The following RPGRIP1L variants were observed in gnomAD, a reference collection of about 807,000 sequenced individuals.
The protein encoded by RPGRIP1L is RPGRIP1 like.
Under a neutral mutation model 160.4 loss-of-function variants are expected in RPGRIP1L, and 131 were observed. The observed-to-expected ratio is 0.82, with a 90% CI of 0.71 to 0.94. RPGRIP1L has a LOEUF of 0.94. Ranked by LOEUF, RPGRIP1L falls within the 40% of genes least tolerant of loss-of-function variation. The probability of loss-of-function intolerance (pLI) is 0.00; values close to 1 mark genes in which losing one functional copy is unlikely to be tolerated. For missense variants in RPGRIP1L, 1,522 were observed against 1,535.8 expected, an observed-to-expected ratio of 0.99 and a Z score of 0.15; for synonymous variants, 510 against 515.8, an observed-to-expected ratio of 0.99 and a Z score of 0.15.
chr16:53,700,529 A>T lies in RPGRIP1L; in HGVS notation c.85+110T>A. ...ATCTTTTTGTTTAGTCCAATCAAGG[A>T]CTATATAGTTACTTAAATGGTTTGG... On this transcript the variant is annotated intron_variant, in intron 2 of 26. Coordinates refer to ENST00000647211, the MANE Select transcript of RPGRIP1L (RefSeq NM_015272.5). 4.8e-6 allele frequency: 4 copies of T among 833,752 alleles called. No individual in the cohort carries two copies. In the South Asian group the frequency reaches 5.7e-5, roughly 12 times the overall value. The allele number at this position is 833,752 out of a possible 1,614,324, so 51.6% of individuals were successfully genotyped here. A position where few individuals can be genotyped will look rare whatever the true frequency, so the allele number is the denominator to read the frequency against.
At chr16:53,637,888 A>G in intron 20 of RPGRIP1L, 34 bp from the exon 21 acceptor site, 1 of 1,595,828 alleles carries the variant, frequency 6.3e-7, no homozygotes, top group South Asian at 1.1e-5. Context: ...TATATTTATA[A>G]TTGCTTAGAT....
chr16:53,646,283 T>A (rs16952410), intron 16 of RPGRIP1L, among the ~76,000 whole-genome samples: 2 of 152,126 alleles, frequency 1.3e-5, no homozygotes, highest in African/African-American at 4.8e-5. Flanking sequence ...GTTAATCTGA[T>A]GTTCTTCAAT....
intron 24 of RPGRIP1L, among the ~76,000 whole-genome samples, chr16:53,614,337 G>T (rs182825108): frequency 1.3e-5 from 2 of 152,258 alleles, no homozygotes; most frequent in Admixed American, 6.5e-5. Flanking sequence ...AGTCTTTATT[G>T]TGTATCACAA....
rs189530809 is a variant in RPGRIP1L at position 53,642,909 on chromosome 16, C to T, written c.2684-1434G>A. Among the ~76,000 whole-genome samples, 9 of 152,314 alleles carry T rather than the reference C, an allele frequency of 5.9e-5. No homozygotes were observed. In the East Asian group the frequency reaches 7.7e-4, roughly 13 times the overall value. ...AAACAATCAGAGAAGGTCAACATCACAGACAGCCTGAGGTCTCAATACTGG... is the reference window on the plus strand; with the variant it reads ...AAACAATCAGAGAAGGTCAACATCATAGACAGCCTGAGGTCTCAATACTGG... On this transcript the variant is annotated intron_variant, in intron 17 of 26. Transcript: ENST00000647211.
At position 53,652,620 on chromosome 16, in the gene RPGRIP1L, T is replaced by C. The variant is rs890062959; in HGVS notation, c.2067A>G (p.Glu689=). The change falls in exon 15 of 27, where the codon GAA becomes GAG. Residue 689 remains glutamate, a synonymous_variant. Transcript: ENST00000647211. Reference sequence around the variant, plus strand: ...ATTGACATGCTGCAATTGTTTCATATTCTGTGCTATAAGCCTGGTGGACCT... The same window carrying C: ...ATTGACATGCTGCAATTGTTTCATACTCTGTGCTATAAGCCTGGTGGACCT... The part of the protein sequence containing the change: ...TLEVHQAYST[E]YETIAACQLK... 1 of 1,614,146 alleles carries C rather than the reference T, an allele frequency of 6.2e-7. No homozygotes were observed. Among genetic ancestry groups the C allele is most frequent in the Admixed American group, 1.7e-5 (1 of 60,014 alleles).
chr16:53,602,017 T>C lies in RPGRIP1L; in HGVS notation c.*59A>G. ...CCAGAGTAATTACAAAAATCTCATG[T>C]AGGAACTTTCATGTGAGCATTTACT... On this transcript the variant is annotated 3_prime_UTR_variant, in exon 27 of 27. Transcript: ENST00000647211. The C allele has an allele frequency of 1.0e-6, 1 of 981,280 alleles. No individual in the cohort carries two copies. The allele number at this position is 981,280 out of a possible 1,614,324, so 60.8% of individuals were successfully genotyped here.
rs1482265266 is a variant in RPGRIP1L, at chr16:53,619,061, T to C, written c.3580A>G (p.Lys1194Glu). 2.5e-6 allele frequency: 4 copies of C among 1,613,902 alleles called. No individual in the cohort carries two copies. Among genetic ancestry groups the C allele is most frequent in the Non-Finnish European group, 3.4e-6 (4 of 1,179,946 alleles). The change falls in exon 24 of 27, where the codon AAG becomes GAG. Residue 1194 changes from lysine to glutamate, a missense_variant. Physicochemically the swap from Lys to Glu is moderately conservative, Grantham distance 56. Transcript: ENST00000647211. ...TTATAGTAGACCCACTGCCCACTCT[T>C]GGGTTTTGGAAGTGACACGGGTGTC... ...EETPVSLPKP[K>E]SGQWVYYNYS... is the part of the protein sequence containing the mutation.
At chr16:53,678,155 ACCATGATTTT>A (rs1969328722) in intron 6 of RPGRIP1L, among the ~76,000 whole-genome samples, 1 of 126,902 alleles carries the variant, frequency 7.9e-6, no homozygotes, top group African/African-American at 3.7e-5. Context: ...TTTTAAAAAA[ACCATGATTTT>A]AAATTATGAT....
At chr16:53,630,242 G>T (rs916663796) in intron 22 of RPGRIP1L, among the ~76,000 whole-genome samples, 1 of 152,040 alleles carries the variant, frequency 6.6e-6, no homozygotes. Flanking sequence ...AGAGATGGGG[G>T]TCTTGTTACA....
chr16:53,608,598 G>A (rs982285937), intron 25 of RPGRIP1L, among the ~76,000 whole-genome samples: 2 of 152,094 alleles, frequency 1.3e-5, no homozygotes, highest in Non-Finnish European at 2.9e-5. Flanking sequence ...GGCATGCAAA[G>A]GTACTATATA....
At position 53,686,433 on chromosome 16, in the gene RPGRIP1L, C is replaced by T. The variant is rs1446473521; in HGVS notation, c.776G>A (p.Arg259Lys). The T allele has an allele frequency of 1.9e-6, 3 of 1,612,506 alleles. No homozygotes were observed. Among genetic ancestry groups the T allele is most frequent in the African/African-American group, 2.7e-5 (2 of 74,818 alleles). The change falls in exon 6 of 27, where the codon AGG (arginine) becomes AAG (lysine). Residue 259 changes from arginine to lysine, a missense_variant and splice_region_variant. By Grantham distance (26) the Arg-to-Lys change is conservative. Coordinates refer to ENST00000647211, the MANE Select transcript of RPGRIP1L (RefSeq NM_015272.5). ...AAGTGATATTTCTGTTTTAACATAC[C>T]TTTGATCTGTAGCTTGCTGTTCTCG... The part of the protein sequence containing the change: ...QLREQQATDQ[R>K]SNIRDNVEMI...
chr16:53,601,683 CAT>C lies in RPGRIP1L; in HGVS notation c.*391_*392del, dbSNP rs377503190. ...CATTTAGTGGGACGATTAGGGATAA[CAT>C]AAAAGTATTTCTTTTTCATAGGTTT... On this transcript the variant is annotated 3_prime_UTR_variant, in exon 27 of 27. Coordinates refer to ENST00000647211, the MANE Select transcript of RPGRIP1L (RefSeq NM_015272.5). The C allele has an allele frequency of 7.4e-4, 160 of 216,444 alleles. No individual in the cohort carries two copies. Among genetic ancestry groups the C allele is most frequent in the Middle Eastern group, 6.1e-3 (3 of 492 alleles). 13.4% of individuals were successfully genotyped at this position (216,444 alleles called of 1,614,324 possible).
chr16:53,686,639 A>C (rs1970038013), intron 5 of RPGRIP1L, 63 bp from the exon 6 acceptor site: 1 of 1,547,262 alleles, frequency 6.5e-7, no homozygotes, highest in Middle Eastern at 1.7e-4. Flanking sequence ...AGTTAAGATC[A>C]GTGCAAAGAA....
In RPGRIP1L at chr16:53,601,304, G is replaced by A. The variant is rs1963367544; in HGVS notation, c.*772C>T. 6.6e-6 allele frequency: 1 copy of A among 152,252 alleles called. No homozygotes were observed. The highest frequency in any genetic ancestry group is 2.1e-4 in the South Asian group (1 of 4,830). 9.4% of individuals were successfully genotyped at this position (152,252 alleles called of 1,614,324 possible). On this transcript the variant is annotated 3_prime_UTR_variant, in exon 27 of 27. Transcript: ENST00000647211. The stretch of plus-strand genomic sequence containing the variant: ...AATTTCTTTCTGTGTCATATACTAA[G>A]TTTTCAACGTGTAAATTTCACATCT...
At chr16:53,698,176 G>A (rs1319913636) in intron 2 of RPGRIP1L, among the ~76,000 whole-genome samples, 14 of 149,898 alleles carry the variant, frequency 9.3e-5, no homozygotes, top group African/African-American at 2.7e-4. Context: ...CAGCCGCCCC[G>A]TCTGAGAAGT....
At chr16:53,608,352 A>C (rs1963817186) in intron 25 of RPGRIP1L, among the ~76,000 whole-genome samples, 7 of 151,778 alleles carry the variant, frequency 4.6e-5, no homozygotes, top group Admixed American at 4.6e-4. Flanking sequence ...TAACTTTTTG[A>C]TTTTCTCTTA....
intron 6 of RPGRIP1L, among the ~76,000 whole-genome samples, chr16:53,679,898 G>A (rs923747659): frequency 6.6e-6 from 1 of 152,142 alleles, no homozygotes; most frequent in African/African-American, 2.4e-5. Flanking sequence ...GTGGTTAACT[G>A]AGGCTCACAG....
chr16:53,686,359 C>T (rs1213564479), intron 6 of RPGRIP1L, 74 bp downstream of exon 6: 9 of 1,450,036 alleles, frequency 6.2e-6, no homozygotes, highest in South Asian at 1.2e-5. Context: ...ATAAACTTAT[C>T]CTTTTATGGC....
rs1351339269 is a variant in RPGRIP1L, at chr16:53,652,910, C to T, written c.1777G>A (p.Glu593Lys). The T allele has an allele frequency of 1.2e-6, 2 of 1,613,204 alleles. No homozygotes were observed. Among genetic ancestry groups the T allele is most frequent in the Non-Finnish European group, 1.7e-6 (2 of 1,179,770 alleles). The change falls in exon 15 of 27, where the codon GAA (glutamate) becomes AAA (lysine). Residue 593 changes from glutamate to lysine, a missense_variant. Physicochemically the swap from Glu to Lys is moderately conservative, Grantham distance 56 (BLOSUM62 1). Coordinates refer to ENST00000647211, the MANE Select transcript of RPGRIP1L (RefSeq NM_015272.5). The part of the protein sequence containing the change: ...PEIMPDDSVD[E>K]FDETIHLERG... ...TCTAAGTGGATGGTTTCATCAAATT[C>T]ATCAACAGAGTCATCTGGCATGATT...
Sources: gnomAD v4.1 joint callset for allele counts (sites outside exome capture counted in the v4.1 genomes callset) on GRCh38, gnomAD v4.1.1 for gene constraint, MANE v1.5 for transcripts, NCBI Gene and HGNC (gene_info 2026-07-23, HGNC 2026-07-21) for gene names.